NAT10: variants seen among roughly 807,000 people sequenced by gnomAD.
NAT10 encodes RNA cytidine acetyltransferase.
Under a neutral mutation model 132.2 loss-of-function variants are expected in NAT10, and 109 were observed. The ratio of observed to expected loss-of-function variants is 0.82; its 90% CI spans 0.71 to 0.97. NAT10 has a LOEUF of 0.97. Among genes scored for constraint, NAT10 ranks in the 50% least tolerant of loss-of-function variants. The pLI is 0.00. For missense variants in NAT10, 1,184 were observed against 1,263.4 expected (o/e 0.94, Z 0.95); for synonymous variants, 479 against 478.0 (o/e 1.00, Z -0.03).
chr11:34,133,005 AC>A lies in NAT10; in HGVS notation c.1618-18del. The A allele has an allele frequency of 6.3e-7, 1 of 1,588,056 alleles. No homozygotes were observed. The highest frequency in any genetic ancestry group is 8.6e-7 in the Non-Finnish European group (1 of 1,156,384). Reference sequence around the variant, plus strand: ...GCAAGAGGAAGAGTGCTTCTCACTGACCCGTGTTTGGCTTCCACAGAACTCT... The same window carrying A: ...GCAAGAGGAAGAGTGCTTCTCACTGACCGTGTTTGGCTTCCACAGAACTCT... On this transcript the variant is annotated intron_variant, in intron 15 of 28. Coordinates refer to ENST00000257829, the MANE Select transcript of NAT10 (RefSeq NM_024662.3).
intron 16 of NAT10, 147 bp from the exon 17 acceptor site, chr11:34,134,172 G>A (rs544590489): frequency 3.1e-5 from 21 of 671,384 alleles, no homozygotes; most frequent in African/African-American, 1.8e-4. Context: ...TCAAAAGAGC[G>A]GGGGGAATGG....
intron 15 of NAT10, among the ~76,000 whole-genome samples, 173 bp downstream of exon 15, chr11:34,132,394 G>A (rs1353630586): frequency 6.6e-6 from 1 of 152,216 alleles, no homozygotes; most frequent in East Asian, 1.9e-4. Flanking sequence ...GTAGCTCCAT[G>A]CAGTAACGGG....
chr11:34,146,407 T>C lies in NAT10; in HGVS notation c.*215T>C, dbSNP rs1300868729. ...TCTTTAGAACTTGATGGCTGGGCACTGCCATCTCTAGAATTGCCACGAGTC... is the reference window on the plus strand; with the variant it reads ...TCTTTAGAACTTGATGGCTGGGCACCGCCATCTCTAGAATTGCCACGAGTC... On this transcript the variant is annotated 3_prime_UTR_variant, in exon 29 of 29. Coordinates refer to ENST00000257829, the MANE Select transcript of NAT10 (RefSeq NM_024662.3). 8.9e-6 allele frequency: 4 copies of C among 450,104 alleles called. No homozygotes were observed. Among genetic ancestry groups the C allele is most frequent in the Non-Finnish European group, 1.2e-5 (3 of 253,006 alleles). The allele number at this position is 450,104 out of a possible 1,614,324, so 27.9% of individuals were successfully genotyped here. A position where few individuals can be genotyped will look rare whatever the true frequency, so the allele number is the denominator to read the frequency against.
At chr11:34,114,393 C>G (rs1851749211) in intron 5 of NAT10, among the ~76,000 whole-genome samples, 1 of 150,256 alleles carries the variant, frequency 6.7e-6, no homozygotes, top group African/African-American at 2.5e-5. Flanking sequence ...GTTGCCAAGT[C>G]AGTGTTCAGA....
At position 34,118,514 on chromosome 11, in the gene NAT10, TG is replaced by T. The variant is rs750628283; in HGVS notation, c.780+12del. On this transcript the variant is annotated intron_variant, in intron 8 of 28. Transcript: ENST00000257829. ...AAGACTCTAGACCAGGTGAGTGTGG[TG>T]CTCAGCACTTCCAACACAAAGGTAG... 6.2e-7 allele frequency: 1 copy of T among 1,602,652 alleles called. No individual in the cohort carries two copies. The highest frequency in any genetic ancestry group is 1.1e-5 in the South Asian group (1 of 90,186).
intron 27 of NAT10, among the ~76,000 whole-genome samples, chr11:34,143,148 T>C (rs1327822430): frequency 6.6e-6 from 1 of 152,138 alleles, no homozygotes; most frequent in Non-Finnish European, 1.5e-5. Context: ...ATGAGAGTCA[T>C]GTGGGAAGAG....
intron 11 of NAT10, 37 bp downstream of exon 11, chr11:34,124,437 G>C (rs1010240988): frequency 5.5e-6 from 8 of 1,454,924 alleles, no homozygotes; most frequent in Admixed American, 1.7e-5. Flanking sequence ...TGCAGGGCCA[G>C]TGTCTTGCTG....
chr11:34,109,164 C>T (rs560648031), intron 3 of NAT10, among the ~76,000 whole-genome samples: 31 of 151,982 alleles, frequency 2.0e-4, no homozygotes, highest in African/African-American at 7.5e-4. Flanking sequence ...TCTTTTTCTC[C>T]CCTTCTTTCA....
At chr11:34,128,372 A>G (rs546611797) in intron 12 of NAT10, among the ~76,000 whole-genome samples, 1 of 152,148 alleles carries the variant, frequency 6.6e-6, no homozygotes, top group African/African-American at 2.4e-5. Flanking sequence ...CAAAAAAAAA[A>G]AAAAAAGAAA....
chr11:34,127,432 T>C, intron 11 of NAT10, 31 bp from the exon 12 acceptor site: 1 of 1,579,990 alleles, frequency 6.3e-7, no homozygotes, highest in African/African-American at 1.3e-5. Flanking sequence ...GAGTTCACTA[T>C]GCTAATAATC....
At chr11:34,143,171 CCTT>C (rs909668047) in intron 27 of NAT10, among the ~76,000 whole-genome samples, 1 of 152,188 alleles carries the variant, frequency 6.6e-6, no homozygotes, top group African/African-American at 2.4e-5. Context: ...AGGCAGGCTG[CCTT>C]CTGTGCAGGA....
intron 15 of NAT10, 90 bp from the exon 16 acceptor site, chr11:34,132,936 C>T: frequency 4.0e-6 from 4 of 995,688 alleles, no homozygotes; most frequent in Non-Finnish European, 6.4e-6. Flanking sequence ...GAAGGCCATA[C>T]TGCAGTCATC....
At chr11:34,124,646 G>A (rs1160761604) in intron 11 of NAT10, among the ~76,000 whole-genome samples, 4 of 152,260 alleles carry the variant, frequency 2.6e-5, no homozygotes, top group Non-Finnish European at 4.4e-5. Flanking sequence ...TATGGAATAA[G>A]TGGGGTGGAA....
chr11:34,114,997 A>G lies in NAT10; in HGVS notation c.496-826A>G, dbSNP rs181755346. On this transcript the variant is annotated intron_variant, in intron 5 of 28. Coordinates refer to ENST00000257829, the MANE Select transcript of NAT10 (RefSeq NM_024662.3). ...GTGAAACCTCGTCTCTACCAAAAAT[A>G]CAAAAAAAATTAACCAGGTGTGGTG... 3.9e-3 allele frequency among the ~76,000 whole-genome samples: 593 copies of G among 152,176 alleles called. 2 individuals are homozygous for G. The highest frequency in any genetic ancestry group is 9.8e-3 in the South Asian group (47 of 4,810).
intron 23 of NAT10, among the ~76,000 whole-genome samples, chr11:34,139,844 T>C (rs1852288543): frequency 6.6e-6 from 1 of 152,214 alleles, no homozygotes; most frequent in Non-Finnish European, 1.5e-5. Flanking sequence ...AATATGCTGC[T>C]AGCCTTCTGT....
intron 16 of NAT10, among the ~76,000 whole-genome samples, chr11:34,133,867 G>GTTTTTTTC (rs1459752520): frequency 6.6e-6 from 1 of 151,970 alleles, no homozygotes; most frequent in Non-Finnish European, 1.5e-5. Flanking sequence ...GAATGGATGT[G>GTTTTTTTC]TCAGGCCAGG....
rs761859682 is a variant in NAT10 at position 34,108,199 on chromosome 11, T to C, written c.-15-12T>C. ...TAGTGCGCATGGCCAGTTGTATTTC[T>C]TTCTCTTTTAGTAATAATTTTTCAC... On this transcript the variant is annotated splice_polypyrimidine_tract_variant and intron_variant, in intron 1 of 28. Coordinates refer to ENST00000257829, the MANE Select transcript of NAT10 (RefSeq NM_024662.3). 1 of 1,584,556 alleles carries C rather than the reference T, an allele frequency of 6.3e-7. No homozygotes were observed. Among genetic ancestry groups the C allele is most frequent in the Non-Finnish European group, 8.7e-7 (1 of 1,153,218 alleles).
At chr11:34,140,757 C>T (rs977466646) in intron 24 of NAT10, among the ~76,000 whole-genome samples, 185 bp downstream of exon 24, 1 of 152,070 alleles carries the variant, frequency 6.6e-6, no homozygotes, top group African/African-American at 2.4e-5. Flanking sequence ...GTAATGTGTC[C>T]AGCCATACAA....
intron 12 of NAT10, among the ~76,000 whole-genome samples, chr11:34,128,704 A>T (rs1852046456): frequency 6.6e-6 from 1 of 152,246 alleles, no homozygotes; most frequent in African/African-American, 2.4e-5. Context: ...CACATACTGT[A>T]CTATCTATCC....
Sources: allele counts gnomAD v4.1 joint callset (sites outside exome capture counted in the v4.1 genomes callset), GRCh38; gene constraint gnomAD v4.1.1; transcripts MANE v1.5; gene names NCBI Gene and HGNC (gene_info 2026-07-23, HGNC 2026-07-21).